The following RASA2 variants were observed in gnomAD, a reference collection of about 807,000 sequenced individuals.
RASA2 encodes the protein ras GTPase-activating protein 2.
RASA2 carries 155 observed loss-of-function variants against 118.2 expected under a neutral mutation model. The ratio of observed to expected loss-of-function variants is 1.31; its 90% CI spans 1.15 to 1.50. RASA2 has a LOEUF of 1.50. RASA2 is among the 40% of genes most tolerant of loss of function. The pLI, the probability that RASA2 is intolerant of heterozygous loss-of-function variation, is 0.00. For missense variants in RASA2, 1,016 were observed against 1,009.6 expected (o/e 1.01, Z -0.09); for synonymous variants, 353 against 349.1 (o/e 1.01, Z -0.12).
chr3:141,603,078 G>A (rs143886799), intron 19 of RASA2, among the ~76,000 whole-genome samples: 1 of 152,212 alleles, frequency 6.6e-6, no homozygotes, highest in East Asian at 1.9e-4. Flanking sequence ...TACCCTATGC[G>A]GTTTTTCATG....
chr3:141,604,086 A>G (rs1217121656), intron 19 of RASA2, among the ~76,000 whole-genome samples: 1 of 152,172 alleles, frequency 6.6e-6, no homozygotes, highest in Non-Finnish European at 1.5e-5. Flanking sequence ...TTCAGCTCTC[A>G]TGGTATATAC....
intron 15 of RASA2, 79 bp from the exon 16 acceptor site, chr3:141,580,289 C>A (rs1353042625): frequency 1.9e-6 from 2 of 1,062,402 alleles, no homozygotes; most frequent in African/African-American, 1.6e-5. Flanking sequence ...GCAATGTAGT[C>A]CATTTACTCT....
chr3:141,599,845 C>T (rs1577816811), intron 19 of RASA2, among the ~76,000 whole-genome samples: 1 of 152,078 alleles, frequency 6.6e-6, no homozygotes, highest in East Asian at 1.9e-4. Flanking sequence ...GAAAGGAAAC[C>T]CTCGAAGAGT....
intron 19 of RASA2, among the ~76,000 whole-genome samples, chr3:141,607,209 A>G (rs1355547507): frequency 6.6e-6 from 1 of 152,124 alleles, no homozygotes; most frequent in Non-Finnish European, 1.5e-5. Context: ...GTTTAGAAAT[A>G]TTATTTTGAG....
At chr3:141,524,731 C>T (rs2082161147) in intron 3 of RASA2, among the ~76,000 whole-genome samples, 1 of 152,094 alleles carries the variant, frequency 6.6e-6, no homozygotes. Flanking sequence ...GCTGGGACTA[C>T]AGGCGCACAC....
chr3:141,563,600 C>T (rs756035945), intron 9 of RASA2, among the ~76,000 whole-genome samples: 1 of 152,042 alleles, frequency 6.6e-6, no homozygotes, highest in Non-Finnish European at 1.5e-5. Context: ...ATTCTAAGTA[C>T]TTTACTTATA....
chr3:141,606,109 G>T (rs1378622579), intron 19 of RASA2, among the ~76,000 whole-genome samples: 1 of 152,162 alleles, frequency 6.6e-6, no homozygotes, highest in Non-Finnish European at 1.5e-5. Context: ...ATGTATGTCT[G>T]AGTGCCCCCA....
Position 141,615,046 on chromosome 3 carries a change from A to G in RASA2, c.*2733A>G, listed in dbSNP as rs1041009375. On this transcript the variant is annotated 3_prime_UTR_variant, in exon 24 of 24. Coordinates refer to ENST00000286364, the MANE Select transcript of RASA2 (RefSeq NM_006506.5). ...TCTGCATAGCCTTTTAGGTGTTTTT[A>G]CAGTATGTGAAAAATACAAGACTCA... The G allele has an allele frequency of 1.3e-5, 2 of 152,194 alleles. No individual in the cohort carries two copies. The highest frequency in any genetic ancestry group is 2.9e-5 in the Non-Finnish European group (2 of 68,028). 9.4% of individuals were successfully genotyped at this position (152,194 alleles called of 1,614,324 possible).
At chr3:141,606,873 A>G (rs2083557145) in intron 19 of RASA2, among the ~76,000 whole-genome samples, 1 of 152,210 alleles carries the variant, frequency 6.6e-6, no homozygotes, top group African/African-American at 2.4e-5. Context: ...GGGTGAAATA[A>G]AAGCAAAGCT....
chr3:141,559,446 ATGCATG>A (rs1478327153), intron 8 of RASA2, among the ~76,000 whole-genome samples: 1 of 152,040 alleles, frequency 6.6e-6, no homozygotes, highest in Admixed American at 6.6e-5. Context: ...AATCTTATAA[ATGCATG>A]TGTAGGTGTG....
chr3:141,505,268 C>T (rs764639294), intron 1 of RASA2, among the ~76,000 whole-genome samples: 2 of 152,152 alleles, frequency 1.3e-5, no homozygotes, highest in Non-Finnish European at 2.9e-5. Flanking sequence ...TGTTATATCC[C>T]CAGCACTTAG....
chr3:141,505,792 G>GTGTGTA (rs1242197747), intron 1 of RASA2, among the ~76,000 whole-genome samples: 1 of 152,048 alleles, frequency 6.6e-6, no homozygotes, highest in Non-Finnish European at 1.5e-5. Context: ...GTGTGTGTGT[G>GTGTGTA]TACGTATTAA....
At chr3:141,572,813 A>T in intron 12 of RASA2, 90 bp downstream of exon 12, 3 of 1,032,246 alleles carry the variant, frequency 2.9e-6, no homozygotes, top group Non-Finnish European at 4.2e-6. Flanking sequence ...GGATTTATTC[A>T]TTCATGTGTT....
intron 5 of RASA2, among the ~76,000 whole-genome samples, chr3:141,543,884 T>TTC (rs1320628195): frequency 1.4e-5 from 2 of 145,646 alleles, no homozygotes; most frequent in Non-Finnish European, 3.0e-5. Flanking sequence ...TTCTTTTTTT[T>TTC]TTTTTTTTTG....
At chr3:141,520,011 CTTTTTTTTTT>C (rs559634060) in intron 3 of RASA2, among the ~76,000 whole-genome samples, 3 of 109,790 alleles carry the variant, frequency 2.7e-5, no homozygotes, top group African/African-American at 7.2e-5. Context: ...TTCTTTTTCT[CTTTTTTTTTT>C]TTTTTTTTTT....
intron 19 of RASA2, chr3:141,590,205 C>T: frequency 2.2e-6 from 1 of 455,030 alleles, no homozygotes. Flanking sequence ...TATATGGATT[C>T]TGATTTAGTG....
At chr3:141,499,635 C>CT (rs1379319378) in intron 1 of RASA2, among the ~76,000 whole-genome samples, 1 of 152,128 alleles carries the variant, frequency 6.6e-6, no homozygotes, top group African/African-American at 2.4e-5. Flanking sequence ...GAGTCTCCCT[C>CT]TGTCACCAGG....
intron 19 of RASA2, among the ~76,000 whole-genome samples, chr3:141,600,035 T>C (rs2083439543): frequency 6.6e-6 from 1 of 152,198 alleles, no homozygotes; most frequent in Admixed American, 6.5e-5. Context: ...TACGTTTATA[T>C]GAAATGAAGC....
intron 1 of RASA2, among the ~76,000 whole-genome samples, chr3:141,501,190 G>T (rs1489233766): frequency 6.6e-6 from 1 of 152,182 alleles, no homozygotes; most frequent in African/African-American, 2.4e-5. Flanking sequence ...CCTCATTTTA[G>T]AGATGTGGAG....
Sources: gnomAD v4.1 joint callset for allele counts (sites outside exome capture counted in the v4.1 genomes callset) on GRCh38, gnomAD v4.1.1 for gene constraint, MANE v1.5 for transcripts, NCBI Gene and HGNC (gene_info 2026-07-23, HGNC 2026-07-21) for gene names.